MBNL1: variants seen among roughly 807,000 people sequenced by gnomAD.
MBNL1 encodes muscleblind like splicing regulator 1, also known as muscleblind-like protein 1.
Under a neutral mutation model 42.2 loss-of-function variants are expected in MBNL1, and 8 were observed. The observed-to-expected ratio is 0.19, with a 90% CI of 0.11 to 0.34. The LOEUF is 0.34. MBNL1 is among the 10% of genes least tolerant of loss of function. The pLI is 1.00. For missense variants in MBNL1, 309 were observed against 495.3 expected (o/e 0.62, Z 3.57); for synonymous variants, 169 against 173.9 (o/e 0.97, Z 0.22).
At chr3:152,319,628 T>G (rs1014050590) in intron 2 of MBNL1, among the ~76,000 whole-genome samples, 1 of 146,180 alleles carries the variant, frequency 6.8e-6, no homozygotes, top group Non-Finnish European at 1.5e-5. Flanking sequence ...TTTTTTTTTT[T>G]TTTTTTTTTT....
intron 2 of MBNL1, among the ~76,000 whole-genome samples, chr3:152,337,128 T>G (rs1479967721): frequency 6.6e-6 from 1 of 152,180 alleles, no homozygotes; most frequent in Non-Finnish European, 1.5e-5. Flanking sequence ...CAAAATTGTC[T>G]TAGTAGCACT....
chr3:152,405,939 TTGCTGTAC>T (rs1024349961), intron 2 of MBNL1, among the ~76,000 whole-genome samples: 4 of 152,172 alleles, frequency 2.6e-5, no homozygotes, highest in African/African-American at 9.7e-5. Flanking sequence ...AATCTGATTG[TTGCTGTAC>T]TGAAAAAATA....
At chr3:152,303,087 G>T (rs1029262128) in intron 2 of MBNL1, among the ~76,000 whole-genome samples, 1 of 151,596 alleles carries the variant, frequency 6.6e-6, no homozygotes, top group Admixed American at 6.6e-5. Flanking sequence ...AAGTCAATTG[G>T]TATGTTACTA....
In MBNL1 at chr3:152,268,998, C is replaced by T. The variant is rs946707659; in HGVS notation, c.-884C>T. On this transcript the variant is annotated 5_prime_UTR_variant, in exon 1 of 10. Transcript: ENST00000324210. ...CCCATGACAAGGAGCTGACAAGTTC[C>T]ATTTTCCGTCGCGGGCATCTTGGAA... 4.4e-6 allele frequency: 2 copies of T among 456,164 alleles called. No homozygotes were observed. The highest frequency in any genetic ancestry group is 4.0e-5 in the African/African-American group (2 of 50,090). 28.3% of individuals were successfully genotyped at this position (456,164 alleles called of 1,614,324 possible).
chr3:152,365,950 C>G (rs1312664057), intron 2 of MBNL1, among the ~76,000 whole-genome samples: 2 of 152,014 alleles, frequency 1.3e-5, no homozygotes, highest in Admixed American at 6.6e-5. Flanking sequence ...AACAATAGAG[C>G]CTTTGTTAGG....
At chr3:152,458,205 T>G in intron 8 of MBNL1, 1 of 1,612,930 alleles carries the variant, frequency 6.2e-7, no homozygotes, top group East Asian at 2.2e-5. Context: ...TATGAGAAGC[T>G]TCATTATGCT....
intron 1 of MBNL1, among the ~76,000 whole-genome samples, chr3:152,293,262 A>G (rs889016446): frequency 8.5e-5 from 13 of 152,222 alleles, no homozygotes; most frequent in African/African-American, 1.7e-4. Context: ...GCTTTTTGCT[A>G]TGTGGAGTTG....
At chr3:152,340,410 CTGAG>C (rs2152818123) in intron 2 of MBNL1, 1 of 1,217,224 alleles carries the variant, frequency 8.2e-7, no homozygotes, top group Non-Finnish European at 1.1e-6. Flanking sequence ...ATGACAATGA[CTGAG>C]TTTTTTCCTG....
At chr3:152,332,976 A>G (rs2086333653) in intron 2 of MBNL1, among the ~76,000 whole-genome samples, 1 of 152,164 alleles carries the variant, frequency 6.6e-6, no homozygotes, top group Admixed American at 6.6e-5. Flanking sequence ...AAAGGAAGTC[A>G]TTTCAGTTGC....
At chr3:152,437,136 A>T (rs543708714) in intron 4 of MBNL1, among the ~76,000 whole-genome samples, 4 of 152,356 alleles carry the variant, frequency 2.6e-5, no homozygotes, top group African/African-American at 9.6e-5. Flanking sequence ...TTTGGCATTT[A>T]AATGTATACT....
intron 2 of MBNL1, among the ~76,000 whole-genome samples, chr3:152,378,611 A>G (rs2097029347): frequency 6.6e-6 from 1 of 152,172 alleles, no homozygotes. Flanking sequence ...TCTCTTTGAA[A>G]TCTTCCAAGG....
intron 8 of MBNL1, chr3:152,458,155 T>G: frequency 6.2e-7 from 1 of 1,613,962 alleles, no homozygotes; most frequent in South Asian, 1.1e-5. Flanking sequence ...TTCTACACTG[T>G]TGGGTGCAAC....
At chr3:152,323,688 A>G (rs901632975) in intron 2 of MBNL1, among the ~76,000 whole-genome samples, 4 of 152,266 alleles carry the variant, frequency 2.6e-5, no homozygotes, top group Admixed American at 2.6e-4. Flanking sequence ...AATGTTATGT[A>G]TTTGTGTATC....
At chr3:152,284,728 C>T (rs181059370) in intron 1 of MBNL1, among the ~76,000 whole-genome samples, 80 of 152,168 alleles carry the variant, frequency 5.3e-4, no homozygotes, top group African/African-American at 1.9e-3. Context: ...AGTCAGCATA[C>T]ATCAGTTTTA....
At chr3:152,309,292 G>A (rs2065033027) in intron 2 of MBNL1, among the ~76,000 whole-genome samples, 1 of 152,206 alleles carries the variant, frequency 6.6e-6, no homozygotes, top group South Asian at 2.1e-4. Context: ...AGTTGGTAAC[G>A]ACCTGTATTT....
chr3:152,289,065 A>G (rs1014126557), intron 1 of MBNL1, among the ~76,000 whole-genome samples: 1 of 151,460 alleles, frequency 6.6e-6, no homozygotes, highest in East Asian at 1.9e-4. Flanking sequence ...GTGGAAGTAC[A>G]TATTCGTAAA....
rs59868027 is a variant in MBNL1, at chr3:152,356,856, A to AGTGTGTGTGTGTGTGTGTGTGTGTGT, written c.174+56513_174+56514insGTGTGTGTGTGTGTGTGTGTGTGTGT. ...AGAGGGGATCTGGGCATATGTGTGTAGTGTGTGTGTGTGTGTGTGTGTGTT... is the reference window on the plus strand; with the variant it reads ...AGAGGGGATCTGGGCATATGTGTGTAGTGTGTGTGTGTGTGTGTGTGTGTGTGTGTGTGTGTGTGTGTGTGTGTGTT... On this transcript the variant is annotated intron_variant, in intron 2 of 9. Transcript: ENST00000324210. Among the ~76,000 whole-genome samples, 18 of 149,490 alleles carry AGTGTGTGTGTGTGTGTGTGTGTGTGT rather than the reference A, an allele frequency of 1.2e-4. No individual in the cohort carries two copies. In the South Asian group the frequency reaches 3.6e-3, roughly 30 times the overall value.
Position 152,415,119 on chromosome 3 carries a change from T to C in MBNL1, c.345+8T>C. 1 of 1,568,078 alleles carries C rather than the reference T, an allele frequency of 6.4e-7. No homozygotes were observed. The highest frequency in any genetic ancestry group is 1.4e-5 in the African/African-American group (1 of 72,650). On this transcript the variant is annotated splice_region_variant and intron_variant, in intron 3 of 9. Coordinates refer to ENST00000324210, the MANE Select transcript of MBNL1 (RefSeq NM_021038.5). ...GCCCCATTACAACCCGTGGTAAGCA[T>C]GTTTTCAGTCTTCACTCATTAAGTT...
chr3:152,283,723 T>G (rs973286248), intron 1 of MBNL1, among the ~76,000 whole-genome samples: 2 of 152,228 alleles, frequency 1.3e-5, no homozygotes, highest in African/African-American at 4.8e-5. Context: ...CAGGGTCATC[T>G]TCTGCCAGCC....
Sources: gnomAD v4.1 joint callset for allele counts (sites outside exome capture counted in the v4.1 genomes callset) on GRCh38, gnomAD v4.1.1 for gene constraint, MANE v1.5 for transcripts, NCBI Gene and HGNC (gene_info 2026-07-23, HGNC 2026-07-21) for gene names.